The following EPHA6 variants were observed in gnomAD, a reference collection of about 807,000 sequenced individuals.
The protein encoded by EPHA6 is ephrin type-A receptor 6.
Under a neutral mutation model 112.0 loss-of-function variants are expected in EPHA6, and 50 were observed. That is an observed-to-expected ratio of 0.45 (90% CI 0.36 to 0.56). The LOEUF (loss-of-function observed/expected upper bound fraction) is 0.56. Among genes scored for constraint, EPHA6 ranks in the 20% least tolerant of loss-of-function variants. The pLI is 0.00. For missense variants in EPHA6, 1,280 were observed against 1,417.4 expected, an observed-to-expected ratio of 0.90 and a Z score of 1.56; for synonymous variants, 529 against 490.7, an observed-to-expected ratio of 1.08 and a Z score of -1.03.
At chr3:97,654,238 C>A (rs555883744) in intron 14 of EPHA6, among the ~76,000 whole-genome samples, 4 of 151,780 alleles carry the variant, frequency 2.6e-5, no homozygotes, top group Non-Finnish European at 5.9e-5. Flanking sequence ...AAATTTTATA[C>A]CTTATATATA....
At chr3:97,611,745 G>C (rs999357134) in intron 13 of EPHA6, among the ~76,000 whole-genome samples, 9 of 151,614 alleles carry the variant, frequency 5.9e-5, no homozygotes, top group African/African-American at 1.9e-4. Context: ...TTTGCCACTT[G>C]GGATGTTACA....
chr3:97,540,714 A>T (rs7622652), intron 11 of EPHA6, among the ~76,000 whole-genome samples: 39,440 of 152,044 alleles, frequency 0.26, 7,570 homozygotes, highest in African/African-American at 0.53. Flanking sequence ...CATTGTAAAC[A>T]GTAAGAGCCA....
At chr3:96,946,833 C>T (rs576651578) in intron 2 of EPHA6, among the ~76,000 whole-genome samples, 1 of 152,118 alleles carries the variant, frequency 6.6e-6, no homozygotes, top group Admixed American at 6.6e-5. Context: ...CTCTCAAGCA[C>T]CTGTTGTTTC....
intron 14 of EPHA6, among the ~76,000 whole-genome samples, chr3:97,669,661 A>G (rs1459526081): frequency 6.6e-6 from 1 of 152,032 alleles, no homozygotes; most frequent in Non-Finnish European, 1.5e-5. Flanking sequence ...TTTTTAACAG[A>G]CACCCCCCAC....
intron 4 of EPHA6, among the ~76,000 whole-genome samples, chr3:97,240,815 G>A (rs2078823813): frequency 6.6e-6 from 1 of 151,858 alleles, no homozygotes; most frequent in South Asian, 2.1e-4. Flanking sequence ...AGCAAATAGT[G>A]TTAATTTTGT....
At chr3:97,181,488 T>G (rs2076987498) in intron 3 of EPHA6, among the ~76,000 whole-genome samples, 1 of 152,090 alleles carries the variant, frequency 6.6e-6, no homozygotes, top group Non-Finnish European at 1.5e-5. Flanking sequence ...TTCCCTAGCA[T>G]GCAAAGTAAG....
intron 10 of EPHA6, among the ~76,000 whole-genome samples, chr3:97,494,736 A>G (rs1180314481): frequency 6.6e-6 from 1 of 152,156 alleles, no homozygotes; most frequent in Non-Finnish European, 1.5e-5. Context: ...ATCTTACAAC[A>G]CTGCCTACTG....
intron 1 of EPHA6, among the ~76,000 whole-genome samples, chr3:96,850,451 G>C (rs1293429019): frequency 1.3e-5 from 2 of 152,076 alleles, no homozygotes; most frequent in South Asian, 2.1e-4. Context: ...ATGGCTTCCT[G>C]GTGGCATGAT....
intron 2 of EPHA6, among the ~76,000 whole-genome samples, chr3:96,975,297 CTA>C (rs1334448805): frequency 2.0e-5 from 3 of 152,080 alleles, no homozygotes; most frequent in Non-Finnish European, 2.9e-5. Flanking sequence ...CAGCCCTTTG[CTA>C]TATCTAATAA....
chr3:96,814,831 C>A lies in EPHA6; in HGVS notation c.208C>A (p.His70Asn). 6.3e-7 allele frequency: 1 copy of A among 1,583,574 alleles called. No individual in the cohort carries two copies. Among genetic ancestry groups the A allele is most frequent in the Non-Finnish European group, 8.6e-7 (1 of 1,164,334 alleles). ...EEEEDVDKDP[H>N]PTQNTCLRCR... The stretch of plus-strand genomic sequence containing the variant: ...GGAAGAAGACGTGGACAAGGACCCC[C>A]ATCCTACCCAGAACACCTGCCTGCG... Residue 70 changes from histidine to asparagine, a missense_variant, in exon 1 of 18, where the codon CAT (histidine) becomes AAT (asparagine). Around this residue, in one of 4 missense-constraint regions of EPHA6, gnomAD observed 220 missense variants for 171.5 expected, o/e 1.28. Transcript: ENST00000389672.
At chr3:97,025,553 G>A (rs555539397) in intron 3 of EPHA6, among the ~76,000 whole-genome samples, 33 of 152,052 alleles carry the variant, frequency 2.2e-4, no homozygotes, top group Middle Eastern at 3.4e-3. Context: ...ATCTTTGCCC[G>A]TGCCTATGTC....
chr3:97,138,614 C>A (rs2075820006), intron 3 of EPHA6, among the ~76,000 whole-genome samples: 1 of 152,192 alleles, frequency 6.6e-6, no homozygotes, highest in Admixed American at 6.5e-5. Flanking sequence ...AGCCAGAGAA[C>A]AAGTCTGTGG....
intron 2 of EPHA6, among the ~76,000 whole-genome samples, chr3:96,921,576 C>T (rs1232912448): frequency 6.6e-6 from 1 of 150,788 alleles, no homozygotes; most frequent in African/African-American, 2.4e-5. Flanking sequence ...ATTTTAAATA[C>T]ACAACTTTTT....
At chr3:97,671,194 G>A (rs1205074517) in intron 14 of EPHA6, among the ~76,000 whole-genome samples, 1 of 152,162 alleles carries the variant, frequency 6.6e-6, no homozygotes, top group Admixed American at 6.5e-5. Flanking sequence ...ATAGCTCCCT[G>A]TGAGCATAAA....
chr3:97,298,264 G>A (rs1031265892), intron 5 of EPHA6, among the ~76,000 whole-genome samples: 2 of 152,142 alleles, frequency 1.3e-5, no homozygotes, highest in African/African-American at 4.8e-5. Flanking sequence ...AGATGAGTGA[G>A]TTTCAATAAA....
intron 3 of EPHA6, among the ~76,000 whole-genome samples, chr3:96,997,308 A>G (rs1381038467): frequency 6.6e-6 from 1 of 152,090 alleles, no homozygotes; most frequent in African/African-American, 2.4e-5. Context: ...TATTCCTTGA[A>G]TAACTTGTTA....
chr3:97,075,337 T>C (rs1267727065), intron 3 of EPHA6, among the ~76,000 whole-genome samples: 1 of 152,072 alleles, frequency 6.6e-6, no homozygotes, highest in Non-Finnish European at 1.5e-5. Flanking sequence ...TGTCGCATGT[T>C]CCAGAATTTT....
intron 10 of EPHA6, among the ~76,000 whole-genome samples, chr3:97,518,955 C>T (rs1054306124): frequency 1.3e-5 from 2 of 152,102 alleles, no homozygotes; most frequent in African/African-American, 4.8e-5. Context: ...GTTTTCTCTT[C>T]ACTCTGTTGA....
intron 4 of EPHA6, among the ~76,000 whole-genome samples, chr3:97,227,711 A>C (rs988604006): frequency 6.6e-6 from 1 of 152,168 alleles, no homozygotes; most frequent in Non-Finnish European, 1.5e-5. Flanking sequence ...AGAAACATGC[A>C]CATGGGCAAT....
Sources: gnomAD v4.1 joint callset for allele counts (sites outside exome capture counted in the v4.1 genomes callset) on GRCh38, gnomAD v4.1.1 for gene constraint, gnomAD v4.1.1 regional missense constraint, MANE v1.5 for transcripts, NCBI Gene and HGNC (gene_info 2026-07-23, HGNC 2026-07-21) for gene names.